Variants in ERGIC2 observed in about 807,000 individuals in gnomAD.
ERGIC2 encodes the protein endoplasmic reticulum-Golgi intermediate compartment protein 2.
Under a neutral mutation model 52.5 loss-of-function variants are expected in ERGIC2, and 31 were observed. That is an observed-to-expected ratio of 0.59 (90% CI 0.44 to 0.80). ERGIC2 has a LOEUF of 0.80. ERGIC2 is among the 30% of genes least tolerant of loss of function. ERGIC2 has a pLI of 0.00. For synonymous variants in ERGIC2, 129 were observed against 140.6 expected (o/e 0.92, Z 0.58); for missense variants, 395 against 455.2 (o/e 0.87, Z 1.20).
At chr12:29,375,275 T>C (rs538370089) in intron 1 of ERGIC2, among the ~76,000 whole-genome samples, 1 of 152,294 alleles carries the variant, frequency 6.6e-6, no homozygotes, top group Admixed American at 6.5e-5. Context: ...ATTGCCTCTT[T>C]TTCTGTTTCC....
intron 2 of ERGIC2, among the ~76,000 whole-genome samples, chr12:29,370,554 G>A (rs1314014749): frequency 1.3e-5 from 2 of 151,826 alleles, no homozygotes; most frequent in Non-Finnish European, 2.9e-5. Context: ...TCACAGATAG[G>A]ATAAATGATG....
chr12:29,356,441 T>G lies in ERGIC2; in HGVS notation c.513A>C (p.Arg171Ser). The G allele has an allele frequency of 6.2e-7, 1 of 1,603,706 alleles. No homozygotes were observed. Among genetic ancestry groups the G allele is most frequent in the Admixed American group, 1.7e-5 (1 of 60,000 alleles). The change falls in exon 8 of 14, where the codon AGA (arginine) becomes AGC (serine). Residue 171 changes from arginine (R) to serine (S), a missense_variant. By Grantham distance (110) the Arg-to-Ser change is moderately radical. Coordinates refer to ENST00000360150, the MANE Select transcript of ERGIC2 (RefSeq NM_016570.3). ...DDSSQSPNAC[R>S]IHGHLYVNKV... ...TATTGACATATAGATGGCCATGAATTCTGCATGCATTTGGAGACTGTGATG... is the reference window on the plus strand; with the variant it reads ...TATTGACATATAGATGGCCATGAATGCTGCATGCATTTGGAGACTGTGATG...
At chr12:29,363,735 AAAG>A (rs1184581792) in intron 5 of ERGIC2, among the ~76,000 whole-genome samples, 1 of 151,990 alleles carries the variant, frequency 6.6e-6, no homozygotes, top group African/African-American at 2.4e-5. Context: ...TACAAAGATG[AAAG>A]AATGAAATTA....
rs190437587 is a variant in ERGIC2, at chr12:29,360,300, T to C, written c.374+1345A>G. ...GTTCATTGAGTATTGTTTTTAATAT[T>C]AGAATTCTAAAAGCAATCTAAATAT... On this transcript the variant is annotated intron_variant, in intron 6 of 13. Coordinates refer to ENST00000360150, the MANE Select transcript of ERGIC2 (RefSeq NM_016570.3). Among the ~76,000 whole-genome samples, 467 of 151,844 alleles carry C rather than the reference T, an allele frequency of 3.1e-3. 10 individuals carry two copies. Among genetic ancestry groups the C allele is most frequent in the Admixed American group, 0.028 (430 of 15,234 alleles).
intron 10 of ERGIC2, among the ~76,000 whole-genome samples, chr12:29,346,260 C>T (rs1940050236): frequency 1.3e-5 from 2 of 151,058 alleles, no homozygotes; most frequent in Non-Finnish European, 2.9e-5. Flanking sequence ...GCAATCACGG[C>T]TCACTGCAGC....
At chr12:29,353,356 C>T (rs1940159012) in intron 8 of ERGIC2, among the ~76,000 whole-genome samples, 1 of 152,090 alleles carries the variant, frequency 6.6e-6, no homozygotes, top group Non-Finnish European at 1.5e-5. Context: ...TAACAGTGTT[C>T]CTACTATTAT....
intron 3 of ERGIC2, among the ~76,000 whole-genome samples, chr12:29,369,445 T>C (rs1940408855): frequency 6.6e-6 from 1 of 151,996 alleles, no homozygotes; most frequent in South Asian, 2.1e-4. Flanking sequence ...TTGAGGAAGA[T>C]ACTATAATTG....
At chr12:29,341,603 G>A (rs1193720106) in intron 13 of ERGIC2, 131 bp downstream of exon 13, 1 of 624,110 alleles carries the variant, frequency 1.6e-6, no homozygotes, top group Non-Finnish European at 2.9e-6. Context: ...AAACTCCTGG[G>A]CTCAAGCGAT....
chr12:29,371,437 T>G (rs1034995248), intron 2 of ERGIC2, 91 bp downstream of exon 2: 4 of 806,872 alleles, frequency 5.0e-6, no homozygotes, highest in Non-Finnish European at 7.8e-6. Flanking sequence ...ATTGATAAAT[T>G]CTTCCTCATG....
At chr12:29,378,600 C>T (rs1282216501) in intron 1 of ERGIC2, among the ~76,000 whole-genome samples, 3 of 151,214 alleles carry the variant, frequency 2.0e-5, no homozygotes, top group Admixed American at 6.6e-5. Context: ...GATAGCAACC[C>T]CCCAACCCCC....
intron 3 of ERGIC2, among the ~76,000 whole-genome samples, chr12:29,368,930 T>C (rs751277258): frequency 6.6e-6 from 1 of 151,962 alleles, no homozygotes; most frequent in Admixed American, 6.6e-5. Flanking sequence ...TCATGGCCTT[T>C]CATTTTCAAA....
chr12:29,372,923 A>G (rs903614957), intron 1 of ERGIC2: 1 of 152,046 alleles, frequency 6.6e-6, no homozygotes, highest in African/African-American at 2.4e-5. Context: ...TCTCAAAAAA[A>G]GTGCTGGGAT....
chr12:29,368,339 T>C, intron 3 of ERGIC2, 52 bp from the exon 4 acceptor site: 1 of 950,878 alleles, frequency 1.1e-6, no homozygotes, highest in Non-Finnish European at 1.7e-6. Flanking sequence ...TAGCAAAACA[T>C]GAGAAATATA....
intron 3 of ERGIC2, among the ~76,000 whole-genome samples, chr12:29,369,027 T>C (rs1385116288): frequency 6.6e-6 from 1 of 151,972 alleles, no homozygotes; most frequent in East Asian, 1.9e-4. Context: ...CTGTGCTTTC[T>C]ATGATAACTT....
intron 1 of ERGIC2, among the ~76,000 whole-genome samples, chr12:29,375,224 A>G (rs891886508): frequency 3.9e-5 from 6 of 152,178 alleles, no homozygotes; most frequent in African/African-American, 1.4e-4. Context: ...TTCAAAGTCT[A>G]TCTGCTTCTA....
At chr12:29,368,554 C>T (rs1940395848) in intron 3 of ERGIC2, among the ~76,000 whole-genome samples, 1 of 151,788 alleles carries the variant, frequency 6.6e-6, no homozygotes, top group African/African-American at 2.4e-5. Context: ...TAACTCTAAG[C>T]AACTCAGAAA....
intron 10 of ERGIC2, among the ~76,000 whole-genome samples, chr12:29,347,356 C>T (rs1265458995): frequency 2.6e-5 from 4 of 152,162 alleles, no homozygotes; most frequent in Non-Finnish European, 5.9e-5. Context: ...TGTGGCAGCA[C>T]ATATAGGTTG....
rs1439368765 is a variant in ERGIC2 at position 29,357,708 on chromosome 12, G to A, written c.391C>T (p.Gln131Ter). The change falls in exon 7 of 14, where the codon CAG (glutamine) becomes TAG (stop). Residue 131 changes from glutamine (Q) to a stop codon, truncating the protein, a stop_gained. Transcript: ENST00000360150. LOFTEE classifies it high-confidence loss of function. The part of the protein sequence containing the change: ...KEWQRMLQLI[Q>*]SRLQEEHSLQ... ...GAATGCTCTTCTTGTAGCCTACTCT[G>A]AATCAGCTGCAGCATCCTAAATAAG... 6.2e-7 allele frequency: 1 copy of A among 1,602,660 alleles called. No homozygotes were observed. Among genetic ancestry groups the A allele is most frequent in the Admixed American group, 1.7e-5 (1 of 59,772 alleles).
At chr12:29,360,280 T>C (rs531697781) in intron 6 of ERGIC2, among the ~76,000 whole-genome samples, 42 of 151,946 alleles carry the variant, frequency 2.8e-4, no homozygotes, top group South Asian at 1.7e-3. Flanking sequence ...AGAATGTTCA[T>C]TGAGTATTGT....
Sources: gnomAD v4.1 joint callset for allele counts (sites outside exome capture counted in the v4.1 genomes callset) on GRCh38, gnomAD v4.1.1 for gene constraint, MANE v1.5 for transcripts, NCBI Gene and HGNC (gene_info 2026-07-23, HGNC 2026-07-21) for gene names.